VPS13A: variants seen among roughly 807,000 people sequenced by gnomAD.
VPS13A encodes intermembrane lipid transfer protein VPS13A.
VPS13A carries 264 observed loss-of-function variants against 390.9 expected under a neutral mutation model. That is an observed-to-expected ratio of 0.68 (90% CI 0.61 to 0.75). The LOEUF is 0.75. Among genes scored for constraint, VPS13A ranks in the 30% least tolerant of loss-of-function variants. The pLI, the probability that VPS13A is intolerant of heterozygous loss-of-function variation, is 0.00. For missense variants in VPS13A, 3,409 were observed against 3,733.9 expected (o/e 0.91, Z 2.27); for synonymous variants, 1,231 against 1,227.1 (o/e 1.00, Z -0.07).
chr9:77,232,512 A>G (rs1032053795), intron 17 of VPS13A, among the ~76,000 whole-genome samples: 3 of 152,152 alleles, frequency 2.0e-5, no homozygotes, highest in South Asian at 2.1e-4. Flanking sequence ...TAGTGAAGCC[A>G]TTTGGTCCTT....
rs1376180184 is a variant in VPS13A, at chr9:77,228,637, C to T, written c.1595+373C>T. On this transcript the variant is annotated intron_variant, in intron 17 of 71. Transcript: ENST00000360280. Reference sequence around the variant, plus strand: ...TGTGTGGTTCATTGATTTTTCACAACTATATTATATAGTAATTTCACATTG... The same window carrying T: ...TGTGTGGTTCATTGATTTTTCACAATTATATTATATAGTAATTTCACATTG... Among the ~76,000 whole-genome samples, 6 of 152,136 alleles carry T rather than the reference C, an allele frequency of 3.9e-5. No homozygotes were observed. The East Asian group carries it at 1.2e-3, about 29-fold the overall frequency.
At chr9:77,250,870 C>T (rs185867799) in intron 21 of VPS13A, among the ~76,000 whole-genome samples, 3 of 152,294 alleles carry the variant, frequency 2.0e-5, no homozygotes, top group East Asian at 1.9e-4. Context: ...ACCCCAGACT[C>T]GTTCAGCTTT....
rs117829517 is a variant in VPS13A, at chr9:77,289,402, A to G, written c.3340-3939A>G. 8.5e-3 allele frequency among the ~76,000 whole-genome samples: 1,287 copies of G among 152,068 alleles called. 10 individuals carry two copies. Among genetic ancestry groups the G allele is most frequent in the South Asian group, 0.014 (67 of 4,810 alleles). ...TCTGTTCTCTAATTTTGTTTATCCT[A>G]TTGTATTCCTCCTTTTGGCCTGATT... On this transcript the variant is annotated intron_variant, in intron 31 of 71. Coordinates refer to ENST00000360280, the MANE Select transcript of VPS13A (RefSeq NM_033305.3).
At chr9:77,274,777 T>TA (rs902026240) in intron 24 of VPS13A, among the ~76,000 whole-genome samples, 2 of 152,090 alleles carry the variant, frequency 1.3e-5, no homozygotes, top group Admixed American at 6.5e-5. Context: ...CTTGGTTTCT[T>TA]AGAGAACAAT....
chr9:77,206,882 T>TAATA (rs60039223), intron 5 of VPS13A, among the ~76,000 whole-genome samples: 47,572 of 151,588 alleles, frequency 0.31, 7,931 homozygotes, highest in African/African-American at 0.41. Flanking sequence ...TAAGCTTCAA[T>TAATA]AATGTTTTAC....
At chr9:77,312,721 A>G (rs1270898292) in intron 35 of VPS13A, among the ~76,000 whole-genome samples, 2 of 152,148 alleles carry the variant, frequency 1.3e-5, no homozygotes, top group African/African-American at 2.4e-5. Flanking sequence ...AGCCGTTCAT[A>G]TAATTATTTA....
chr9:77,367,524 A>G (rs984964347), intron 61 of VPS13A, among the ~76,000 whole-genome samples: 1 of 152,244 alleles, frequency 6.6e-6, no homozygotes. Flanking sequence ...TAGCAGAAAT[A>G]GTATTCTACT....
chr9:77,177,725 C>A lies in VPS13A; in HGVS notation c.21C>A (p.Val7=), dbSNP rs755971991. The A allele has an allele frequency of 6.2e-7, 1 of 1,613,552 alleles. No homozygotes were observed. The highest frequency in any genetic ancestry group is 8.5e-7 in the Non-Finnish European group (1 of 1,179,650). Residue 7 remains valine (V), a synonymous_variant, in exon 1 of 72, where the codon GTC becomes GTA. Transcript: ENST00000360280. MVFESV[V]VDVLNRFLGD... ...GGAACATGGTTTTCGAGTCGGTGGTCGTGGACGTGTTGAACCGGTTCTTGG... is the reference window on the plus strand; with the variant it reads ...GGAACATGGTTTTCGAGTCGGTGGTAGTGGACGTGTTGAACCGGTTCTTGG...
At chr9:77,192,813 G>A (rs1389747905) in intron 1 of VPS13A, among the ~76,000 whole-genome samples, 3 of 152,042 alleles carry the variant, frequency 2.0e-5, no homozygotes, top group Non-Finnish European at 4.4e-5. Flanking sequence ...TGATGATTAT[G>A]TGTCTTGGGG....
intron 49 of VPS13A, 25 bp from the exon 50 acceptor site, chr9:77,340,379 T>G: frequency 6.2e-7 from 1 of 1,607,528 alleles, no homozygotes; most frequent in Non-Finnish European, 8.5e-7. Context: ...TAACAGTTTT[T>G]GAGCTGTTAA....
rs569882563 is a variant in VPS13A, at chr9:77,357,583, C to T, written c.7807-109C>T. ...TGGGATATTAAGATCTAAATCTAAA[C>T]TAATACAAATATGTAGCTTACTGTT... On this transcript the variant is annotated intron_variant, in intron 55 of 71. Transcript: ENST00000360280. The T allele has an allele frequency of 2.7e-5, 30 of 1,128,006 alleles. No individual in the cohort carries two copies. The African/African-American group carries it at 4.6e-4, about 17-fold the overall frequency. The allele number at this position is 1,128,006 out of a possible 1,614,324, so 69.9% of individuals were successfully genotyped here.
At chr9:77,251,772 A>G (rs953992567) in intron 21 of VPS13A, among the ~76,000 whole-genome samples, 1 of 152,134 alleles carries the variant, frequency 6.6e-6, no homozygotes, top group Admixed American at 6.5e-5. Flanking sequence ...ACAACATCCA[A>G]GTAGACTTGG....
At chr9:77,327,440 T>C (rs1830069285) in intron 45 of VPS13A, among the ~76,000 whole-genome samples, 1 of 152,172 alleles carries the variant, frequency 6.6e-6, no homozygotes, top group Admixed American at 6.5e-5. Context: ...CAAATAGTTT[T>C]TCTAGAATTA....
intron 33 of VPS13A, among the ~76,000 whole-genome samples, chr9:77,300,918 A>C (rs933655265): frequency 6.6e-6 from 1 of 152,250 alleles, no homozygotes; most frequent in Non-Finnish European, 1.5e-5. Context: ...AAAGCAAAGA[A>C]TAAGATGAAC....
At chr9:77,399,504 G>A (rs1587720183) in intron 68 of VPS13A, among the ~76,000 whole-genome samples, 1 of 150,426 alleles carries the variant, frequency 6.6e-6, no homozygotes, top group Non-Finnish European at 1.5e-5. Flanking sequence ...TTAGGTACTT[G>A]GAATAAACCA....
chr9:77,395,630 T>G (rs1834091390), intron 68 of VPS13A: 1 of 152,126 alleles, frequency 6.6e-6, no homozygotes, highest in South Asian at 2.1e-4. Flanking sequence ...TACAATAAAA[T>G]GGAGTATAAT....
chr9:77,309,706 A>AGGT (rs1468484389), intron 35 of VPS13A, among the ~76,000 whole-genome samples: 1 of 152,186 alleles, frequency 6.6e-6, no homozygotes, highest in African/African-American at 2.4e-5. Flanking sequence ...TTGAAAGTGC[A>AGGT]GGTAAGGGTG....
intron 23 of VPS13A, among the ~76,000 whole-genome samples, chr9:77,260,977 C>T (rs1051744742): frequency 3.3e-5 from 5 of 151,838 alleles, no homozygotes; most frequent in African/African-American, 1.2e-4. Flanking sequence ...CGGCTCACTG[C>T]AACCTCTGTC....
In VPS13A at chr9:77,360,585, T is replaced by C. The variant is rs1198542249; in HGVS notation, c.8155T>C (p.Phe2719Leu). Reference sequence around the variant, plus strand: ...AATGGATCTCAGGTTAGATCTTGGGTTTATCTATGCTTTAACAGACCTTAT... The same window carrying C: ...AATGGATCTCAGGTTAGATCTTGGGCTTATCTATGCTTTAACAGACCTTAT... ...QEMDLRLDLG[F>L]IYALTDLMTE... The change falls in exon 59 of 72, where the codon TTT (phenylalanine) becomes CTT (leucine). Residue 2719 changes from phenylalanine (F) to leucine (L), a missense_variant. Physicochemically the swap from Phe to Leu is conservative, Grantham distance 22. Around this residue, in one of 5 missense-constraint regions of VPS13A, gnomAD observed 221 missense variants for 300.7 expected, o/e 0.73. Transcript: ENST00000360280. 4 of 1,613,150 alleles carry C rather than the reference T, an allele frequency of 2.5e-6. No homozygotes were observed. The highest frequency in any genetic ancestry group is 1.7e-6 in the Non-Finnish European group (2 of 1,179,440).
Sources: allele counts gnomAD v4.1 joint callset (sites outside exome capture counted in the v4.1 genomes callset), GRCh38; gene constraint gnomAD v4.1.1; regional missense constraint gnomAD v4.1.1; transcripts MANE v1.5; gene names NCBI Gene and HGNC (gene_info 2026-07-23, HGNC 2026-07-21).